MGAT3: variants seen among roughly 807,000 people sequenced by gnomAD.
The protein encoded by MGAT3 is GlcNAc-T III.
In MGAT3, 9 loss-of-function variants were observed where a neutral mutation model predicts 29.8. The ratio of observed to expected loss-of-function variants is 0.30; its 90% CI spans 0.18 to 0.53. The LOEUF (loss-of-function observed/expected upper bound fraction) is 0.53. MGAT3 is among the 20% of genes least tolerant of loss of function. MGAT3 has a pLI of 0.96. For synonymous variants in MGAT3, 397 were observed against 348.9 expected, an observed-to-expected ratio of 1.14 and a Z score of -1.54; for missense variants, 557 against 769.5, an observed-to-expected ratio of 0.72 and a Z score of 3.27.
rs1459608529 is a variant in MGAT3 at position 39,490,765 on chromosome 22, T to C, written c.*1816T>C. ...CATGCTTGGTGTGTATTTGTACATGTCTGTATTGCTGTGTCCCTGTAAATA... is the reference window on the plus strand; with the variant it reads ...CATGCTTGGTGTGTATTTGTACATGCCTGTATTGCTGTGTCCCTGTAAATA... On this transcript the variant is annotated 3_prime_UTR_variant, in exon 2 of 2. Transcript: ENST00000341184. 1 of 166,954 alleles carries C rather than the reference T, an allele frequency of 6.0e-6. No individual in the cohort carries two copies. The highest frequency in any genetic ancestry group is 2.4e-5 in the African/African-American group (1 of 41,368). The allele number at this position is 166,954 out of a possible 1,614,324, so 10.3% of individuals were successfully genotyped here.
At chr22:39,483,918 C>A (rs766895789) in intron 1 of MGAT3, among the ~76,000 whole-genome samples, 2 of 152,180 alleles carry the variant, frequency 1.3e-5, no homozygotes, top group African/African-American at 2.4e-5. Flanking sequence ...GGGGGGCAGG[C>A]GTTTACTGGA....
At chr22:39,472,834 T>C (rs1928847162) in intron 1 of MGAT3, 1 of 152,186 alleles carries the variant, frequency 6.6e-6, no homozygotes, top group South Asian at 2.1e-4. Flanking sequence ...CATAGAGCCT[T>C]GAAAGCCAGG....
rs944985076 is a variant in MGAT3, at chr22:39,489,787, G to A, written c.*838G>A. 6.0e-6 allele frequency: 1 copy of A among 167,446 alleles called. No homozygotes were observed. Among genetic ancestry groups the A allele is most frequent in the Admixed American group, 6.5e-5 (1 of 15,290 alleles). 10.4% of individuals were successfully genotyped at this position (167,446 alleles called of 1,614,324 possible). ...CAGTTGTAGGTGTGGCCTTGAGGGG[G>A]AAGTGGGGAGGAGAAGACTGACATG... On this transcript the variant is annotated 3_prime_UTR_variant, in exon 2 of 2. Coordinates refer to ENST00000341184, the MANE Select transcript of MGAT3 (RefSeq NM_002409.5).
chr22:39,473,230 C>G (rs1928861389), intron 1 of MGAT3, among the ~76,000 whole-genome samples: 1 of 152,182 alleles, frequency 6.6e-6, no homozygotes. Context: ...ACTGGGTGGT[C>G]TGTAAACAGC....
chr22:39,463,673 A>G (rs1280966580), intron 1 of MGAT3, among the ~76,000 whole-genome samples: 1 of 152,110 alleles, frequency 6.6e-6, no homozygotes, highest in East Asian at 1.9e-4. Flanking sequence ...GTACTTTGGG[A>G]GGCTGAGGCA....
rs2145730609 is a variant in MGAT3, at chr22:39,490,816, C to T, written c.*1867C>T. The T allele has an allele frequency of 1.2e-5, 2 of 166,408 alleles. No individual in the cohort carries two copies. The highest frequency in any genetic ancestry group is 6.8e-3 in the Middle Eastern group (2 of 296). 10.3% of individuals were successfully genotyped at this position (166,408 alleles called of 1,614,324 possible). A position where few individuals can be genotyped will look rare whatever the true frequency, so the allele number is the denominator to read the frequency against. On this transcript the variant is annotated 3_prime_UTR_variant, in exon 2 of 2. Transcript: ENST00000341184. Reference sequence around the variant, plus strand: ...CATGCTTGTGTATGGATGGAAGAGGCCAGGCCCAGGCCTGGCCTCTTCCTC... The same window carrying T: ...CATGCTTGTGTATGGATGGAAGAGGTCAGGCCCAGGCCTGGCCTCTTCCTC...
intron 1 of MGAT3, among the ~76,000 whole-genome samples, chr22:39,483,609 C>G (rs1020209586): frequency 6.6e-6 from 1 of 152,190 alleles, no homozygotes; most frequent in East Asian, 1.9e-4. Context: ...CCATGCTAAC[C>G]CCGGCTGCAG....
intron 1 of MGAT3, among the ~76,000 whole-genome samples, chr22:39,463,951 A>T (rs1928566294): frequency 1.3e-5 from 2 of 151,642 alleles, no homozygotes; most frequent in African/African-American, 4.8e-5. Context: ...TGCCCTGAGG[A>T]TACAGAGGCC....
intron 1 of MGAT3, among the ~76,000 whole-genome samples, chr22:39,470,323 C>T (rs969506396): frequency 6.6e-6 from 1 of 152,124 alleles, no homozygotes; most frequent in African/African-American, 2.4e-5. Flanking sequence ...TGAGGAAGGG[C>T]GTTCCAGGCG....
At chr22:39,458,039 G>A (rs1009186603) in intron 1 of MGAT3, among the ~76,000 whole-genome samples, 2 of 152,122 alleles carry the variant, frequency 1.3e-5, no homozygotes, top group Admixed American at 6.5e-5. Context: ...CGGGGGCTGG[G>A]CGGGTGCGGG....
chr22:39,490,438 TGGA>T lies in MGAT3; in HGVS notation c.*1494_*1496del, dbSNP rs910587554. 6.0e-6 allele frequency: 1 copy of T among 166,934 alleles called. No homozygotes were observed. Among genetic ancestry groups the T allele is most frequent in the African/African-American group, 2.4e-5 (1 of 41,394 alleles). The allele number at this position is 166,934 out of a possible 1,614,324, so 10.3% of individuals were successfully genotyped here. A position where few individuals can be genotyped will look rare whatever the true frequency, so the allele number is the denominator to read the frequency against. Reference sequence around the variant, plus strand: ...CTCACCTTGGGAGTTATCTTATTGATGGAGGAGAAGAGAATGGATATGGGGGAC... The same window carrying T: ...CTCACCTTGGGAGTTATCTTATTGATGGAGAAGAGAATGGATATGGGGGAC... On this transcript the variant is annotated 3_prime_UTR_variant, in exon 2 of 2. Coordinates refer to ENST00000341184, the MANE Select transcript of MGAT3 (RefSeq NM_002409.5).
intron 1 of MGAT3, among the ~76,000 whole-genome samples, chr22:39,464,915 TA>T: frequency 6.6e-6 from 1 of 151,148 alleles, no homozygotes; most frequent in Non-Finnish European, 1.5e-5. Context: ...CACACCTGGC[TA>T]ATTTTTTTTT....
Position 39,487,784 on chromosome 22 carries a change from G to A in MGAT3, c.437G>A (p.Arg146Gln), listed in dbSNP as rs544051973. ...GAGGGGGCCAACGGCTCCTCGGCCC[G>A]GCGGCCACCCCGGTACCTCCTGAGC... ...KPEGANGSSA[R>Q]RPPRYLLSAR... The change falls in exon 2 of 2, where the codon CGG becomes CAG. Residue 146 changes from arginine to glutamine, a missense_variant. Arg to Gln is a conservative substitution (Grantham distance 43). Transcript: ENST00000341184. This position sits in a 1 kb window ranked among gnomAD's most constrained non-coding sequence, Gnocchi z 5.7. The A allele has an allele frequency of 2.4e-4, 364 of 1,491,872 alleles. 6 individuals carry two copies. In the South Asian group the frequency reaches 4.6e-3, roughly 19 times the overall value. 92.4% of individuals were successfully genotyped at this position (1,491,872 alleles called of 1,614,324 possible).
chr22:39,481,454 C>T (rs1800601533), intron 1 of MGAT3, among the ~76,000 whole-genome samples: 1 of 152,236 alleles, frequency 6.6e-6, no homozygotes, highest in Non-Finnish European at 1.5e-5. Context: ...GAGCAGGTTC[C>T]CTGAGGGCAG....
At chr22:39,485,652 G>A (rs1929250920) in intron 1 of MGAT3, among the ~76,000 whole-genome samples, 1 of 152,118 alleles carries the variant, frequency 6.6e-6, no homozygotes, top group Admixed American at 6.5e-5. Flanking sequence ...TTAGCTGGGT[G>A]TGGTGGTGTG....
chr22:39,458,082 C>T (rs1332600957), intron 1 of MGAT3, among the ~76,000 whole-genome samples: 3 of 152,162 alleles, frequency 2.0e-5, no homozygotes, highest in Admixed American at 6.5e-5. Flanking sequence ...GGGGACCAGG[C>T]AGAGGCAAAT....
In MGAT3 at chr22:39,489,057, G is replaced by A; in HGVS notation, c.*108G>A. On this transcript the variant is annotated 3_prime_UTR_variant, in exon 2 of 2. Transcript: ENST00000341184. ...TTGGTTCTTGAGGGGACCAGGAGTG[G>A]GTGGGGAGTGGGGGTGGGGGTAGGG... is the stretch of plus-strand genomic sequence containing the variant. 2 of 1,286,334 alleles carry A rather than the reference G, an allele frequency of 1.6e-6. No individual in the cohort carries two copies. Among genetic ancestry groups the A allele is most frequent in the Non-Finnish European group, 2.1e-6 (2 of 953,906 alleles). 79.7% of individuals were successfully genotyped at this position (1,286,334 alleles called of 1,614,324 possible). A position where few individuals can be genotyped will look rare whatever the true frequency, so the allele number is the denominator to read the frequency against.
Position 39,488,273 on chromosome 22 carries a change from C to T in MGAT3, c.926C>T (p.Pro309Leu). ...DGVSRLRNLR[P>L]DDVFIIDDAD... ...GTCTCGCGGCTGCGCAACCTGCGGC[C>T]CGACGACGTCTTCATCATTGACGAT... The change falls in exon 2 of 2, where the codon CCC becomes CTC. Residue 309 changes from proline (P) to leucine (L), a missense_variant. By Grantham distance (98) the Pro-to-Leu change is moderately conservative. Around this residue, in one of 3 missense-constraint regions of MGAT3, gnomAD observed 243 missense variants for 444.0 expected, o/e 0.55. Coordinates refer to ENST00000341184, the MANE Select transcript of MGAT3 (RefSeq NM_002409.5). 2 of 1,611,444 alleles carry T rather than the reference C, an allele frequency of 1.2e-6. No homozygotes were observed. The highest frequency in any genetic ancestry group is 8.5e-7 in the Non-Finnish European group (1 of 1,179,920).
intron 1 of MGAT3, among the ~76,000 whole-genome samples, chr22:39,471,059 C>T (rs901632572): frequency 2.6e-5 from 4 of 152,060 alleles, no homozygotes; most frequent in Non-Finnish European, 4.4e-5. Context: ...TCCTGGGCCT[C>T]CTTTGTTATC....
Sources: gnomAD v4.1 joint callset for allele counts (sites outside exome capture counted in the v4.1 genomes callset) on GRCh38, gnomAD v4.1.1 for gene constraint, gnomAD v4.1.1 regional missense constraint, Gnocchi (gnomAD v3.1) non-coding constraint, MANE v1.5 for transcripts, NCBI Gene and HGNC (gene_info 2026-07-23, HGNC 2026-07-21) for gene names.